Variants in PTPRM observed in about 807,000 individuals in gnomAD.
PTPRM encodes the protein protein tyrosine phosphatase receptor type M, also known as receptor-type tyrosine-protein phosphatase mu.
In PTPRM, 47 loss-of-function variants were observed where a neutral mutation model predicts 186.7. The observed-to-expected ratio is 0.25, with a 90% CI of 0.20 to 0.32. The LOEUF is 0.32. PTPRM is among the 10% of genes least tolerant of loss of function. The probability of loss-of-function intolerance (pLI) is 1.00; values close to 1 mark genes in which losing one functional copy is unlikely to be tolerated. For synonymous variants in PTPRM, 668 were observed against 674.9 expected, an observed-to-expected ratio of 0.99 and a Z score of 0.16; for missense variants, 1,494 against 1,865.0, an observed-to-expected ratio of 0.80 and a Z score of 3.66.
At chr18:7,900,844 G>C (rs978879280) in intron 3 of PTPRM, among the ~76,000 whole-genome samples, 1 of 151,962 alleles carries the variant, frequency 6.6e-6, no homozygotes, top group Non-Finnish European at 1.5e-5. Flanking sequence ...CAAATAAATA[G>C]TTTTTTTTGA....
chr18:7,742,277 G>A (rs369432338), intron 1 of PTPRM, among the ~76,000 whole-genome samples: 1 of 152,152 alleles, frequency 6.6e-6, no homozygotes, highest in South Asian at 2.1e-4. Flanking sequence ...ACTTTAAAAA[G>A]TAGTCCAACA....
At chr18:7,832,020 C>G (rs1014393360) in intron 2 of PTPRM, among the ~76,000 whole-genome samples, 2 of 152,156 alleles carry the variant, frequency 1.3e-5, no homozygotes, top group Admixed American at 6.5e-5. Context: ...CCTTATCCAT[C>G]CTTCTGTTGA....
intron 2 of PTPRM, among the ~76,000 whole-genome samples, chr18:7,819,311 T>C (rs1030079237): frequency 6.6e-6 from 1 of 152,256 alleles, no homozygotes; most frequent in African/African-American, 2.4e-5. Context: ...TATGAGACCC[T>C]AGCAGGTAGA....
At chr18:8,352,652 G>GTTTTT (rs142090056) in intron 23 of PTPRM, among the ~76,000 whole-genome samples, 49 of 102,184 alleles carry the variant, frequency 4.8e-4, no homozygotes, top group Middle Eastern at 5.6e-3. Flanking sequence ...TTTTTGGTTT[G>GTTTTT]GTTTTTTTTG....
chr18:7,978,073 C>G (rs527674436), intron 7 of PTPRM, among the ~76,000 whole-genome samples: 1 of 152,334 alleles, frequency 6.6e-6, no homozygotes, highest in South Asian at 2.1e-4. Context: ...TACCAACACC[C>G]TCTGATAACT....
intron 1 of PTPRM, among the ~76,000 whole-genome samples, chr18:7,753,807 G>A (rs1304553686): frequency 6.6e-6 from 1 of 151,848 alleles, no homozygotes; most frequent in East Asian, 1.9e-4. Context: ...TGTTATTGGT[G>A]GAGTCATACC....
intron 14 of PTPRM, among the ~76,000 whole-genome samples, chr18:8,219,717 G>A (rs753135640): frequency 1.3e-5 from 2 of 152,226 alleles, no homozygotes; most frequent in Middle Eastern, 3.4e-3. Context: ...ATTTGCAATT[G>A]GTTAAAGGAA....
At chr18:8,257,157 G>A (rs1426272464) in intron 19 of PTPRM, among the ~76,000 whole-genome samples, 2 of 152,222 alleles carry the variant, frequency 1.3e-5, no homozygotes, top group Admixed American at 6.5e-5. Context: ...CCAAGAGCAA[G>A]GATGACTTCT....
At chr18:7,915,825 G>C (rs1412692206) in intron 4 of PTPRM, among the ~76,000 whole-genome samples, 2 of 152,114 alleles carry the variant, frequency 1.3e-5, no homozygotes, top group African/African-American at 4.8e-5. Flanking sequence ...ACCTGAAAAT[G>C]GTTGTAGGAT....
rs1034977986 is a variant in PTPRM at position 7,806,201 on chromosome 18, C to T, written c.196+31930C>T. On this transcript the variant is annotated intron_variant, in intron 2 of 32. Transcript: ENST00000580170. The stretch of plus-strand genomic sequence containing the variant: ...GCCAAATTTTCATTGTGTGGAAGAA[C>T]CAAGCTCAGGAACTAATGTCAAATT... 3.3e-5 allele frequency among the ~76,000 whole-genome samples: 5 copies of T among 152,132 alleles called. No individual in the cohort carries two copies. In the East Asian group the frequency reaches 9.6e-4, roughly 29 times the overall value.
chr18:8,316,454 G>T (rs2095309640), intron 21 of PTPRM, among the ~76,000 whole-genome samples: 1 of 152,200 alleles, frequency 6.6e-6, no homozygotes, highest in Non-Finnish European at 1.5e-5. Flanking sequence ...ACATACATGA[G>T]CAAGGCTATA....
chr18:8,389,175 G>A (rs1185646247), intron 31 of PTPRM, among the ~76,000 whole-genome samples: 1 of 152,152 alleles, frequency 6.6e-6, no homozygotes, highest in Non-Finnish European at 1.5e-5. Flanking sequence ...AAAATAGGTT[G>A]CAGTTACCCC....
chr18:8,320,315 C>T (rs916513938), intron 22 of PTPRM, among the ~76,000 whole-genome samples: 6 of 152,016 alleles, frequency 3.9e-5, no homozygotes, highest in African/African-American at 1.4e-4. Context: ...TCCACTGGAC[C>T]GTGAGGAGAG....
At chr18:7,794,645 C>T (rs991319271) in intron 2 of PTPRM, among the ~76,000 whole-genome samples, 1 of 152,170 alleles carries the variant, frequency 6.6e-6, no homozygotes, top group African/African-American at 2.4e-5. Flanking sequence ...CAAACCTGCT[C>T]AATCACACTG....
At chr18:8,190,062 G>C (rs775649599) in intron 14 of PTPRM, among the ~76,000 whole-genome samples, 3 of 152,072 alleles carry the variant, frequency 2.0e-5, no homozygotes, top group Non-Finnish European at 2.9e-5. Context: ...ACAATATAAT[G>C]TTTTGATATA....
chr18:7,633,970 C>T (rs1337805603), intron 1 of PTPRM, among the ~76,000 whole-genome samples: 2 of 152,096 alleles, frequency 1.3e-5, no homozygotes, highest in Non-Finnish European at 2.9e-5. Flanking sequence ...AATCTGATCA[C>T]AGAGCCTCCA....
At chr18:7,929,957 G>A (rs975508282) in intron 5 of PTPRM, among the ~76,000 whole-genome samples, 1 of 152,188 alleles carries the variant, frequency 6.6e-6, no homozygotes, top group Non-Finnish European at 1.5e-5. Flanking sequence ...TTGAAGAAAA[G>A]AACTTATTTT....
intron 11 of PTPRM, among the ~76,000 whole-genome samples, chr18:8,110,781 G>T (rs2091719394): frequency 6.6e-6 from 1 of 152,172 alleles, no homozygotes; most frequent in South Asian, 2.1e-4. Flanking sequence ...GATACAGAAG[G>T]AATTGAGGTC....
chr18:8,128,526 G>A (rs1266050414), intron 13 of PTPRM, among the ~76,000 whole-genome samples: 1 of 152,124 alleles, frequency 6.6e-6, no homozygotes, highest in Non-Finnish European at 1.5e-5. Context: ...CCAGCTGACT[G>A]CATTTTAATG....
Sources: gnomAD v4.1 joint callset for allele counts (sites outside exome capture counted in the v4.1 genomes callset) on GRCh38, gnomAD v4.1.1 for gene constraint, MANE v1.5 for transcripts, NCBI Gene and HGNC (gene_info 2026-07-23, HGNC 2026-07-21) for gene names.